The following BEGAIN variants were observed in gnomAD, a reference collection of about 807,000 sequenced individuals.
The protein encoded by BEGAIN is brain-enriched guanylate kinase-associated protein.
In BEGAIN, 19 loss-of-function variants were observed where a neutral mutation model predicts 35.8. The ratio of observed to expected loss-of-function variants is 0.53; its 90% CI spans 0.37 to 0.78. BEGAIN has a LOEUF of 0.78. Ranked by LOEUF, BEGAIN falls within the 30% of genes least tolerant of loss-of-function variation. The pLI, the probability that BEGAIN is intolerant of heterozygous loss-of-function variation, is 0.00. For missense variants in BEGAIN, 795 were observed against 853.6 expected, an observed-to-expected ratio of 0.93 and a Z score of 0.85; for synonymous variants, 462 against 388.6, an observed-to-expected ratio of 1.19 and a Z score of -2.22.
intron 5 of BEGAIN, among the ~76,000 whole-genome samples, chr14:100,541,897 C>T (rs1420142976): frequency 6.6e-6 from 1 of 152,228 alleles, no homozygotes; most frequent in African/African-American, 2.4e-5. Context: ...CAGGTGGAGG[C>T]AAGCACTCTG....
intron 2 of BEGAIN, among the ~76,000 whole-genome samples, chr14:100,561,144 G>A (rs1361520092): frequency 2.6e-5 from 4 of 152,140 alleles, no homozygotes; most frequent in Non-Finnish European, 2.9e-5. Flanking sequence ...AACCATCGAC[G>A]GCCCCTGGGG....
rs7152411 is a variant in BEGAIN, at chr14:100,563,544, A to G, written c.71+4367T>C. On this transcript the variant is annotated intron_variant, in intron 2 of 6. Coordinates refer to ENST00000554140, the MANE Select transcript of BEGAIN (RefSeq NM_001385089.1). This position sits in a 1 kb window ranked among gnomAD's most constrained non-coding sequence, Gnocchi z 4.2. ...AATGGGAAAAACACCTTGGTAGAAA[A>G]TGCGCACGGCCTTCGCCGGTGAGGA... 0.053 allele frequency among the ~76,000 whole-genome samples: 8,109 copies of G among 152,266 alleles called. 691 individuals carry two copies. Among genetic ancestry groups the G allele is most frequent in the African/African-American group, 0.18 (7,350 of 41,508 alleles).
Position 100,563,213 on chromosome 14 carries a change from C to T in BEGAIN, c.71+4698G>A, listed in dbSNP as rs370034637. ...TAGGAGTGAAGGAGAGAGTGTGGCCCGAACACCTGGGTGTCCTTGTGCAAA... is the reference window on the plus strand; with the variant it reads ...TAGGAGTGAAGGAGAGAGTGTGGCCTGAACACCTGGGTGTCCTTGTGCAAA... On this transcript the variant is annotated intron_variant, in intron 2 of 6. Coordinates refer to ENST00000554140, the MANE Select transcript of BEGAIN (RefSeq NM_001385089.1). The surrounding 1 kb of genome is among the most constrained non-coding windows in gnomAD (Gnocchi z 4.2). Among the ~76,000 whole-genome samples, 16 of 152,252 alleles carry T rather than the reference C, an allele frequency of 1.1e-4. No homozygotes were observed. Among genetic ancestry groups the T allele is most frequent in the East Asian group, 1.9e-4 (1 of 5,182 alleles).
Position 100,546,490 on chromosome 14 carries a change from C to A in BEGAIN, c.233+11G>T. On this transcript the variant is annotated intron_variant, in intron 3 of 6. Coordinates refer to ENST00000554140, the MANE Select transcript of BEGAIN (RefSeq NM_001385089.1). ...CCCTCGCCCCGCCCCGGCCCTCGCC[C>A]CGCCCCTCACCTGCGCAGCTTCTCC... 6.9e-7 allele frequency: 1 copy of A among 1,446,544 alleles called. No homozygotes were observed. Among genetic ancestry groups the A allele is most frequent in the South Asian group, 1.3e-5 (1 of 77,368 alleles). The allele number at this position is 1,446,544 out of a possible 1,614,324, so 89.6% of individuals were successfully genotyped here. A position where few individuals can be genotyped will look rare whatever the true frequency, so the allele number is the denominator to read the frequency against.
At chr14:100,550,071 T>C (rs2033027309) in intron 2 of BEGAIN, among the ~76,000 whole-genome samples, 1 of 152,036 alleles carries the variant, frequency 6.6e-6, no homozygotes, top group Non-Finnish European at 1.5e-5. Flanking sequence ...GTGTGTGGTG[T>C]GCGTGTGCGT....
chr14:100,570,845 A>C (rs1437956152), intron 1 of BEGAIN, among the ~76,000 whole-genome samples: 1 of 152,192 alleles, frequency 6.6e-6, no homozygotes, highest in Non-Finnish European at 1.5e-5. Context: ...ACTACGGGTG[A>C]GGAAACGGAG....
chr14:100,539,195 C>A lies in BEGAIN; in HGVS notation c.613G>T (p.Val205Leu), dbSNP rs532508495. The change falls in exon 7 of 7, where the codon GTG (valine) becomes TTG (leucine). Residue 205 changes from valine (V) to leucine (L), a missense_variant. Transcript: ENST00000554140. ...DSVPTCVIAK[V>L]LEKPDPASLS... ...CTGGCGGGGTCCGGCTTCTCCAGCACCTTGGCAATGACGCAGGTGGGGACG... is the reference window on the plus strand; with the variant it reads ...CTGGCGGGGTCCGGCTTCTCCAGCAACTTGGCAATGACGCAGGTGGGGACG... The A allele has an allele frequency of 1.4e-4, 222 of 1,582,458 alleles. 4 individuals are homozygous for A. The South Asian group carries it at 2.5e-3, about 18-fold the overall frequency.
At chr14:100,560,290 C>G (rs2139645816) in intron 2 of BEGAIN, among the ~76,000 whole-genome samples, 1 of 152,350 alleles carries the variant, frequency 6.6e-6, no homozygotes, top group South Asian at 2.1e-4. Context: ...AGCTGACAAC[C>G]TCAGAGCTGC....
Position 100,565,870 on chromosome 14 carries a change from T to C in BEGAIN, c.71+2041A>G, listed in dbSNP as rs186823386. 1.0e-3 allele frequency among the ~76,000 whole-genome samples: 159 copies of C among 152,332 alleles called. 4 individuals are homozygous for C. The East Asian group carries it at 0.03, about 29-fold the overall frequency. On this transcript the variant is annotated intron_variant, in intron 2 of 6. Coordinates refer to ENST00000554140, the MANE Select transcript of BEGAIN (RefSeq NM_001385089.1). Reference sequence around the variant, plus strand: ...TGAGGCCCAACCAGGGCCAGGACTTTGTCAGTGACTGGGTCTGTGGGACCC... The same window carrying C: ...TGAGGCCCAACCAGGGCCAGGACTTCGTCAGTGACTGGGTCTGTGGGACCC...
At chr14:100,556,058 C>T (rs1279803089) in intron 2 of BEGAIN, among the ~76,000 whole-genome samples, 1 of 152,038 alleles carries the variant, frequency 6.6e-6, no homozygotes, top group African/African-American at 2.4e-5. Flanking sequence ...GAGCTAGGTC[C>T]CTCAGCCAGG....
intron 1 of BEGAIN, among the ~76,000 whole-genome samples, chr14:100,582,006 T>A (rs2035327185): frequency 1.3e-5 from 2 of 152,246 alleles, no homozygotes; most frequent in Non-Finnish European, 1.5e-5. Flanking sequence ...AGGAGGAAAC[T>A]GGGCTCTGAG....
At chr14:100,551,687 A>C (rs1445903363) in intron 2 of BEGAIN, among the ~76,000 whole-genome samples, 1 of 152,154 alleles carries the variant, frequency 6.6e-6, no homozygotes, top group African/African-American at 2.4e-5. Flanking sequence ...AAAATTGCTA[A>C]AGATCAAATT....
chr14:100,559,892 C>A (rs1428799807), intron 2 of BEGAIN, among the ~76,000 whole-genome samples: 2 of 152,212 alleles, frequency 1.3e-5, no homozygotes, highest in African/African-American at 2.4e-5. Flanking sequence ...TCAGCAGCAG[C>A]AATGTTTGGA....
chr14:100,572,055 TG>T (rs2035095965), intron 1 of BEGAIN, among the ~76,000 whole-genome samples: 1 of 152,208 alleles, frequency 6.6e-6, no homozygotes, highest in African/African-American at 2.4e-5. Context: ...CAGAGGCACC[TG>T]CTCCTCAGCC....
intron 2 of BEGAIN, among the ~76,000 whole-genome samples, chr14:100,556,083 G>C (rs1413717112): frequency 1.3e-5 from 2 of 152,202 alleles, no homozygotes; most frequent in Non-Finnish European, 2.9e-5. Flanking sequence ...GTGGCCTGGA[G>C]AGGAGTGAGC....
At chr14:100,571,986 GC>G (rs1261364903) in intron 1 of BEGAIN, among the ~76,000 whole-genome samples, 1 of 152,200 alleles carries the variant, frequency 6.6e-6, no homozygotes, top group Non-Finnish European at 1.5e-5. Flanking sequence ...TGGCATGGAA[GC>G]CCTGCGGTGA....
At chr14:100,579,958 G>A (rs1237600427) in intron 1 of BEGAIN, among the ~76,000 whole-genome samples, 1 of 152,186 alleles carries the variant, frequency 6.6e-6, no homozygotes, top group Non-Finnish European at 1.5e-5. Flanking sequence ...CTCCTGAGTC[G>A]ATGCGGATCC....
chr14:100,539,854 G>A (rs1168417662), intron 6 of BEGAIN, among the ~76,000 whole-genome samples: 1 of 152,118 alleles, frequency 6.6e-6, no homozygotes, highest in East Asian at 1.9e-4. Context: ...CCATGTGGGG[G>A]TGTCCCGCTA....
At chr14:100,541,865 C>T (rs984256650) in intron 5 of BEGAIN, among the ~76,000 whole-genome samples, 1 of 152,324 alleles carries the variant, frequency 6.6e-6, no homozygotes, top group East Asian at 1.9e-4. Flanking sequence ...GAAATGCTCA[C>T]GGGACACTCT....
Sources: gnomAD v4.1 joint callset for allele counts (sites outside exome capture counted in the v4.1 genomes callset) on GRCh38, gnomAD v4.1.1 for gene constraint, Gnocchi (gnomAD v3.1) non-coding constraint, MANE v1.5 for transcripts, NCBI Gene and HGNC (gene_info 2026-07-23, HGNC 2026-07-21) for gene names.